Variants in ETFA observed in about 807,000 individuals in gnomAD.
ETFA encodes electron transfer flavoprotein subunit alpha, mitochondrial.
Under a neutral mutation model 46.2 loss-of-function variants are expected in ETFA, and 22 were observed. The observed-to-expected ratio is 0.48, with a 90% CI of 0.34 to 0.68. The LOEUF is 0.68. Among genes scored for constraint, ETFA ranks in the 30% least tolerant of loss-of-function variants. ETFA has a pLI of 0.01. For synonymous variants in ETFA, 131 were observed against 139.9 expected (o/e 0.94, Z 0.45); for missense variants, 345 against 401.1 (o/e 0.86, Z 1.19).
chr15:76,249,460 T>TC (rs2039275814), intron 9 of ETFA, among the ~76,000 whole-genome samples: 2 of 132,852 alleles, frequency 1.5e-5, no homozygotes, highest in Non-Finnish European at 3.2e-5. Context: ...TTTTTTTTTT[T>TC]AGATGGAGTC....
intron 1 of ETFA, among the ~76,000 whole-genome samples, chr15:76,302,974 C>G (rs1426310027): frequency 1.3e-5 from 2 of 152,132 alleles, no homozygotes; most frequent in East Asian, 3.8e-4. Flanking sequence ...TACTACCACA[C>G]AGGCCAAACT....
At chr15:76,265,746 T>C (rs1222329528) in intron 9 of ETFA, among the ~76,000 whole-genome samples, 1 of 152,186 alleles carries the variant, frequency 6.6e-6, no homozygotes, top group Non-Finnish European at 1.5e-5. Context: ...GAAATATCTA[T>C]TCCTATGGAT....
At chr15:76,252,902 T>TA (rs2039313687) in intron 9 of ETFA, among the ~76,000 whole-genome samples, 1 of 113,864 alleles carries the variant, frequency 8.8e-6, no homozygotes, top group South Asian at 3.4e-4. Context: ...GAGTACTTTT[T>TA]TTTTTTTTTT....
Position 76,258,359 on chromosome 15 carries a change from G to A in ETFA, c.816+16053C>T, listed in dbSNP as rs1173350240. On this transcript the variant is annotated intron_variant, in intron 9 of 11. Transcript: ENST00000557943. ...GACACCTTATAGCCTGGGTGCTCCA[G>A]CATTCCTTTGTGTGACCCGGTCAGC... is the stretch of plus-strand genomic sequence containing the variant. Among the ~76,000 whole-genome samples, 4 of 152,116 alleles carry A rather than the reference G, an allele frequency of 2.6e-5. No homozygotes were observed. The East Asian group carries it at 7.7e-4, about 29-fold the overall frequency.
intron 9 of ETFA, among the ~76,000 whole-genome samples, chr15:76,273,577 CAAAACAAAA>C (rs998935238): frequency 6.6e-6 from 1 of 150,634 alleles, no homozygotes; most frequent in African/African-American, 2.5e-5. Context: ...CAAAACAAAA[CAAAACAAAA>C]AAAACTTCAA....
At chr15:76,302,309 T>A (rs2039887285) in intron 1 of ETFA, among the ~76,000 whole-genome samples, 1 of 151,788 alleles carries the variant, frequency 6.6e-6, no homozygotes, top group Admixed American at 6.6e-5. Context: ...TAAATATTCA[T>A]ACAATGGAAT....
chr15:76,217,621 C>G (rs1057414910), intron 11 of ETFA: 13 of 455,752 alleles, frequency 2.9e-5, no homozygotes, highest in Admixed American at 1.6e-4. Flanking sequence ...GCAACTGGAG[C>G]TTCCAGTGTA....
intron 1 of ETFA, among the ~76,000 whole-genome samples, chr15:76,300,608 T>C (rs2039870677): frequency 6.6e-6 from 1 of 152,164 alleles, no homozygotes. Flanking sequence ...ACCAATCTAT[T>C]TCTCTCAGTG....
rs1480795850 is a variant in ETFA, at chr15:76,216,680, C to A, written c.964-83G>T. On this transcript the variant is annotated intron_variant, in intron 11 of 11. Coordinates refer to ENST00000557943, the MANE Select transcript of ETFA (RefSeq NM_000126.4). ...CAGCTCCGTAAGCATTACAGGGAGGCCAAAAGAAACAACACAAATCACTGT... is the reference window on the plus strand; with the variant it reads ...CAGCTCCGTAAGCATTACAGGGAGGACAAAAGAAACAACACAAATCACTGT... The A allele has an allele frequency of 4.3e-5, 39 of 903,632 alleles. No homozygotes were observed. In the South Asian group the frequency reaches 5.1e-4, roughly 12 times the overall value. 56.0% of individuals were successfully genotyped at this position (903,632 alleles called of 1,614,324 possible).
At chr15:76,261,666 G>A (rs970998618) in intron 9 of ETFA, 19 of 369,332 alleles carry the variant, frequency 5.1e-5, no homozygotes, top group African/African-American at 2.5e-4. Flanking sequence ...AGCCCCAGCC[G>A]CCCCATGCTG....
rs146299082 is a variant in ETFA at position 76,295,607 on chromosome 15, C to G, written c.170G>C (p.Gly57Ala). 5.6e-5 allele frequency: 90 copies of G among 1,613,674 alleles called. No individual in the cohort carries two copies. Among genetic ancestry groups the G allele is most frequent in the Non-Finnish European group, 7.3e-5 (86 of 1,179,820 alleles). ...ATTTCTCACCTTGTCACATTTGGTT[C>G]CAGCTACTAAGCAGGACACTTCACC... is the stretch of plus-strand genomic sequence containing the variant. ...LGGEVSCLVAGTKCDKVAQDL... is the reference protein window; with the variant it reads ...LGGEVSCLVAATKCDKVAQDL... Residue 57 changes from glycine to alanine, a missense_variant, in exon 2 of 12, where the codon GGA becomes GCA. Coordinates refer to ENST00000557943, the MANE Select transcript of ETFA (RefSeq NM_000126.4).
intron 7 of ETFA, chr15:76,284,952 A>G: frequency 2.5e-6 from 1 of 399,632 alleles, no homozygotes; most frequent in Non-Finnish European, 4.9e-6. Flanking sequence ...AAGAAAACGA[A>G]AAACAAGTCA....
At chr15:76,262,797 C>T (rs1277688267) in intron 9 of ETFA, among the ~76,000 whole-genome samples, 1 of 152,012 alleles carries the variant, frequency 6.6e-6, no homozygotes, top group Non-Finnish European at 1.5e-5. Flanking sequence ...AATCAAACTT[C>T]TAAAGATCTA....
At chr15:76,293,201 T>G (rs984624835) in intron 2 of ETFA, among the ~76,000 whole-genome samples, 14 of 152,194 alleles carry the variant, frequency 9.2e-5, no homozygotes, top group Admixed American at 9.2e-4. Context: ...TGCCAATAGA[T>G]CTTACTACTG....
rs200895245 is a variant in ETFA, at chr15:76,276,553, C to T, written c.734-2059G>A. Among the ~76,000 whole-genome samples the T allele has an allele frequency of 7.9e-5, 12 of 152,102 alleles. No homozygotes were observed. The East Asian group carries it at 2.1e-3, about 27-fold the overall frequency. On this transcript the variant is annotated intron_variant, in intron 8 of 11. Coordinates refer to ENST00000557943, the MANE Select transcript of ETFA (RefSeq NM_000126.4). ...CTTTCTCTCTTCTCCTTCTAGTATT[C>T]CCATTACATGTTATACTCTTAGAAG...
intron 9 of ETFA, among the ~76,000 whole-genome samples, chr15:76,268,916 G>T (rs1388768166): frequency 6.6e-6 from 1 of 152,180 alleles, no homozygotes; most frequent in Non-Finnish European, 1.5e-5. Flanking sequence ...GCCATCTGGA[G>T]GGCAGAGATG....
chr15:76,295,431 A>C (rs957420148), intron 2 of ETFA, among the ~76,000 whole-genome samples, 160 bp downstream of exon 2: 5 of 152,230 alleles, frequency 3.3e-5, no homozygotes, highest in South Asian at 2.1e-4. Context: ...GAAACCTTTT[A>C]GTTCCTTTTT....
chr15:76,261,163 C>A (rs1596205182), intron 9 of ETFA: 1 of 1,531,150 alleles, frequency 6.5e-7, no homozygotes, highest in East Asian at 2.3e-5. Flanking sequence ...GGGAGCAGGT[C>A]CCCCGATCTT....
intron 1 of ETFA, among the ~76,000 whole-genome samples, chr15:76,295,959 T>TTTTTTTTA (rs869232507): frequency 9.8e-6 from 1 of 101,994 alleles, no homozygotes; most frequent in Non-Finnish European, 2.0e-5. Flanking sequence ...TTTTTTTTTT[T>TTTTTTTTA]GAGATGGAGT....
Sources: allele counts gnomAD v4.1 joint callset (sites outside exome capture counted in the v4.1 genomes callset), GRCh38; gene constraint gnomAD v4.1.1; transcripts MANE v1.5; gene names NCBI Gene and HGNC (gene_info 2026-07-23, HGNC 2026-07-21).